DLC1: variants seen among roughly 807,000 people sequenced by gnomAD.
DLC1 encodes the protein DLC1 Rho GTPase activating protein, also known as rho GTPase-activating protein 7.
Under a neutral mutation model 140.3 loss-of-function variants are expected in DLC1, and 54 were observed. That is an observed-to-expected ratio of 0.38 (90% CI 0.31 to 0.48). The LOEUF (loss-of-function observed/expected upper bound fraction) is 0.48. Ranked by LOEUF, DLC1 falls within the 20% of genes least tolerant of loss-of-function variation. The pLI is 0.96. For missense variants in DLC1, 2,536 were observed against 1,907.0 expected (o/e 1.33, Z -6.14); for synonymous variants, 986 against 728.1 (o/e 1.35, Z -5.70).
rs1227919974 is a variant in DLC1 at position 13,364,890 on chromosome 8, C to T, written c.1314+28663G>A. 3.3e-5 allele frequency among the ~76,000 whole-genome samples: 5 copies of T among 152,166 alleles called. No individual in the cohort carries two copies. In the East Asian group the frequency reaches 9.6e-4, roughly 29 times the overall value. ...AAAATAAATTGCCAACTAAGAAACT[C>T]ATTTGAGTTTATTAAAATATAATTG... On this transcript the variant is annotated intron_variant, in intron 4 of 17. Coordinates refer to ENST00000276297, the MANE Select transcript of DLC1 (RefSeq NM_182643.3).
chr8:13,198,963 C>T (rs577682650), intron 5 of DLC1, among the ~76,000 whole-genome samples: 3 of 151,998 alleles, frequency 2.0e-5, no homozygotes, highest in Non-Finnish European at 4.4e-5. Flanking sequence ...GTGGTGTGCC[C>T]GCCTTGGCCT....
intron 7 of DLC1, 88 bp downstream of exon 7, chr8:13,110,654 G>A (rs1309287299): frequency 1.5e-6 from 2 of 1,299,886 alleles, no homozygotes; most frequent in African/African-American, 3.0e-5. Context: ...CAATTAGCAA[G>A]AACAAAAGCA....
chr8:13,548,810 A>T (rs1338285390), intron 1 of DLC1, among the ~76,000 whole-genome samples: 1 of 152,070 alleles, frequency 6.6e-6, no homozygotes, highest in Non-Finnish European at 1.5e-5. Context: ...TTGTTGATTA[A>T]TTTCTTAGCT....
chr8:13,120,354 A>ATATAT (rs60987681), intron 5 of DLC1, among the ~76,000 whole-genome samples: 2 of 28,068 alleles, frequency 7.1e-5, no homozygotes, highest in East Asian at 1.7e-3. Flanking sequence ...AAAAAAAAAA[A>ATATAT]AAATATATAT....
intron 5 of DLC1, among the ~76,000 whole-genome samples, chr8:13,191,035 G>A (rs964708420): frequency 7.9e-5 from 12 of 152,134 alleles, no homozygotes; most frequent in Admixed American, 7.2e-4. Flanking sequence ...GATAGATAAC[G>A]AGGTAGAAAA....
At chr8:13,166,747 G>T (rs1169309701) in intron 5 of DLC1, among the ~76,000 whole-genome samples, 1 of 126,798 alleles carries the variant, frequency 7.9e-6, no homozygotes, top group Non-Finnish European at 1.8e-5. Context: ...ACACACCTCT[G>T]ATCATGTATC....
At chr8:13,575,469 C>T (rs1287421963) in intron 1 of DLC1, among the ~76,000 whole-genome samples, 2 of 151,704 alleles carry the variant, frequency 1.3e-5, no homozygotes, top group African/African-American at 2.4e-5. Flanking sequence ...CACATCTGGG[C>T]TGGGGCTTGG....
rs201419347 is a variant in DLC1 at position 13,092,600 on chromosome 8, T to A, written c.3740+12A>T. ...GCCCCCTGTGTGCATGCACCTCCCA[T>A]GCAGCCCGTACCTGGGAGAGGAATT... is the stretch of plus-strand genomic sequence containing the variant. On this transcript the variant is annotated intron_variant, in intron 13 of 17. Coordinates refer to ENST00000276297, the MANE Select transcript of DLC1 (RefSeq NM_182643.3). 1 of 1,613,116 alleles carries A rather than the reference T, an allele frequency of 6.2e-7. No individual in the cohort carries two copies.
intron 5 of DLC1, among the ~76,000 whole-genome samples, chr8:13,201,010 A>G (rs988136599): frequency 6.6e-6 from 1 of 152,228 alleles, no homozygotes; most frequent in Non-Finnish European, 1.5e-5. Flanking sequence ...GATTCAGATT[A>G]CTGAGTACAG....
At chr8:13,477,945 G>A (rs903696808) in intron 2 of DLC1, among the ~76,000 whole-genome samples, 7 of 152,110 alleles carry the variant, frequency 4.6e-5, no homozygotes, top group African/African-American at 1.7e-4. Flanking sequence ...ACCTCTAAGA[G>A]AATCCCTGTA....
At chr8:13,537,288 T>G (rs763001247) in intron 1 of DLC1, among the ~76,000 whole-genome samples, 1 of 152,178 alleles carries the variant, frequency 6.6e-6, no homozygotes. Flanking sequence ...GTTCTGCCAT[T>G]CAGGCCCTCC....
chr8:13,491,916 A>G lies in DLC1; in HGVS notation c.1023+7133T>C, dbSNP rs79690251. On this transcript the variant is annotated intron_variant, in intron 2 of 17. Transcript: ENST00000276297. ...CATGCATTCGTTCTAGCATTTATGA[A>G]CAGGTTCTAAGCACTGCGGACACAA... Among the ~76,000 whole-genome samples the G allele has an allele frequency of 5.3e-3, 809 of 152,336 alleles. 7 individuals are homozygous for G. Among genetic ancestry groups the G allele is most frequent in the African/African-American group, 0.018 (757 of 41,572 alleles).
intron 5 of DLC1, among the ~76,000 whole-genome samples, chr8:13,221,249 C>T (rs1420724955): frequency 6.6e-6 from 1 of 152,136 alleles, no homozygotes; most frequent in Non-Finnish European, 1.5e-5. Context: ...ACGCAGACAG[C>T]ACACCCAAAT....
At chr8:13,317,712 A>C (rs1244986903) in intron 4 of DLC1, among the ~76,000 whole-genome samples, 1 of 152,148 alleles carries the variant, frequency 6.6e-6, no homozygotes, top group Non-Finnish European at 1.5e-5. Context: ...AAAGTATAGA[A>C]GGAAAGGGAG....
intron 4 of DLC1, chr8:13,342,593 A>G (rs1834115120): frequency 6.6e-5 from 10 of 152,234 alleles, no homozygotes; most frequent in Admixed American, 6.5e-4. Context: ...ATTCTGCCCT[A>G]AGACCGCAAC....
chr8:13,493,262 C>T (rs1439130093), intron 2 of DLC1, among the ~76,000 whole-genome samples: 1 of 152,166 alleles, frequency 6.6e-6, no homozygotes, highest in Non-Finnish European at 1.5e-5. Flanking sequence ...TACATTCCTT[C>T]CCTCCTTGTC....
intron 5 of DLC1, among the ~76,000 whole-genome samples, chr8:13,254,311 C>CA (rs1212081339): frequency 6.6e-6 from 1 of 152,116 alleles, no homozygotes; most frequent in African/African-American, 2.4e-5. Flanking sequence ...CAGGCCAGAA[C>CA]ACGCCTCCTA....
intron 1 of DLC1, among the ~76,000 whole-genome samples, chr8:13,601,412 G>A (rs1049103412): frequency 5.9e-5 from 9 of 151,704 alleles, no homozygotes; most frequent in African/African-American, 1.4e-4. Flanking sequence ...CTAAAGAAAT[G>A]CCAGTGTTTC....
Position 13,212,494 on chromosome 8 carries a change from A to G in DLC1, c.1348+92775T>C, listed in dbSNP as rs149963124. Among the ~76,000 whole-genome samples the G allele has an allele frequency of 4.4e-3, 668 of 152,254 alleles. 4 individuals are homozygous for G. The highest frequency in any genetic ancestry group is 0.015 in the African/African-American group (617 of 41,546). ...GTGAATTCTTATTTGTTCATTTCAT[A>G]AGACCATCTTTTTCTGCTTGTCCTG... On this transcript the variant is annotated intron_variant, in intron 5 of 17. Transcript: ENST00000276297.
Sources: gnomAD v4.1 joint callset for allele counts (sites outside exome capture counted in the v4.1 genomes callset) on GRCh38, gnomAD v4.1.1 for gene constraint, MANE v1.5 for transcripts, NCBI Gene and HGNC (gene_info 2026-07-23, HGNC 2026-07-21) for gene names.